IL1RAPL1: variants seen among roughly 807,000 people sequenced by gnomAD.
IL1RAPL1 encodes interleukin 1 receptor accessory protein like 1.
A neutral mutation model predicts 48.4 loss-of-function variants in IL1RAPL1; 3 were observed. The ratio of observed to expected loss-of-function variants is 0.06; its 90% CI spans 0.03 to 0.16. The LOEUF (loss-of-function observed/expected upper bound fraction) is 0.16, where lower values mean the gene tolerates loss of function less well. Among genes scored for constraint, IL1RAPL1 ranks in the 10% least tolerant of loss-of-function variants. IL1RAPL1 has a pLI of 1.00. For missense variants in IL1RAPL1, 349 were observed against 530.6 expected, an observed-to-expected ratio of 0.66 and a Z score of 3.36; for synonymous variants, 185 against 187.7, an observed-to-expected ratio of 0.99 and a Z score of 0.12.
intron 1 of IL1RAPL1, among the ~76,000 whole-genome samples, chrX:28,776,280 T>C (rs1936361858): frequency 8.9e-6 from 1 of 111,771 alleles, no homozygotes; most frequent in South Asian, 3.7e-4. Context: ...GAACAGTCAA[T>C]CTTAGAAGTC....
At chrX:28,796,691 T>A (rs917527706) in intron 2 of IL1RAPL1, among the ~76,000 whole-genome samples, 1 of 111,270 alleles carries the variant, frequency 9.0e-6, no homozygotes, top group Non-Finnish European at 1.9e-5. Context: ...TCCCAGCTGC[T>A]TTCACGGGCT....
At chrX:28,705,622 T>C (rs1935366458) in intron 1 of IL1RAPL1, among the ~76,000 whole-genome samples, 1 of 111,893 alleles carries the variant, frequency 8.9e-6, no homozygotes. Flanking sequence ...CTCAAGGATT[T>C]CATATTCCAG....
chrX:29,687,845 T>C (rs1337604768), intron 6 of IL1RAPL1, among the ~76,000 whole-genome samples: 2 of 112,070 alleles, frequency 1.8e-5, no homozygotes, highest in Non-Finnish European at 3.8e-5. Flanking sequence ...GTCATTATCA[T>C]GATCTCTCTA....
At chrX:28,634,804 A>C (rs2146895324) in intron 1 of IL1RAPL1, among the ~76,000 whole-genome samples, 1 of 110,171 alleles carries the variant, frequency 9.1e-6, no homozygotes, top group East Asian at 2.9e-4. Flanking sequence ...ACTTTCTGAA[A>C]TCACGTTCTT....
At chrX:29,177,367 C>A (rs765844531) in intron 2 of IL1RAPL1, among the ~76,000 whole-genome samples, 1 of 111,902 alleles carries the variant, frequency 8.9e-6, no homozygotes, top group East Asian at 2.8e-4. Flanking sequence ...TGTAGTTACA[C>A]TGAACTTCTC....
intron 6 of IL1RAPL1, among the ~76,000 whole-genome samples, chrX:29,694,819 G>T (rs371769025): frequency 2.7e-5 from 3 of 111,572 alleles, no homozygotes; most frequent in Non-Finnish European, 5.6e-5. Flanking sequence ...AGATTTTGAC[G>T]TAATAATTTT....
chrX:29,452,525 C>T (rs1191304230), intron 5 of IL1RAPL1, among the ~76,000 whole-genome samples: 1 of 111,693 alleles, frequency 9.0e-6, no homozygotes, highest in Non-Finnish European at 1.9e-5. Context: ...TTATACCTAG[C>T]AATACAGAAA....
intron 2 of IL1RAPL1, among the ~76,000 whole-genome samples, chrX:28,882,511 T>G (rs1161900984): frequency 9.0e-6 from 1 of 111,109 alleles, no homozygotes; most frequent in Admixed American, 9.6e-5. Context: ...GGTGTGGTGG[T>G]GCACACCTGT....
chrX:29,621,728 T>G (rs1002141795), intron 5 of IL1RAPL1, among the ~76,000 whole-genome samples: 2 of 112,060 alleles, frequency 1.8e-5, no homozygotes, highest in African/African-American at 6.5e-5. Flanking sequence ...TTAGCATAAT[T>G]GGAATATCTG....
At chrX:28,616,624 G>T (rs763815693) in intron 1 of IL1RAPL1, among the ~76,000 whole-genome samples, 2 of 110,666 alleles carry the variant, frequency 1.8e-5, no homozygotes, top group East Asian at 2.9e-4. Flanking sequence ...AGTAGAGACG[G>T]GGTTTCACCA....
At chrX:28,604,239 C>T (rs1440939865) in intron 1 of IL1RAPL1, among the ~76,000 whole-genome samples, 2 of 111,158 alleles carry the variant, frequency 1.8e-5, no homozygotes, top group Non-Finnish European at 3.8e-5. Flanking sequence ...TATCAATATA[C>T]CTTCTCCCAA....
At chrX:29,297,458 T>G (rs189959861) in intron 3 of IL1RAPL1, among the ~76,000 whole-genome samples, 80 of 112,573 alleles carry the variant, frequency 7.1e-4, no homozygotes, top group African/African-American at 2.4e-3. Flanking sequence ...TAATGTTATT[T>G]AATTTTAAAT....
intron 5 of IL1RAPL1, among the ~76,000 whole-genome samples, chrX:29,431,961 T>A (rs1934427487): frequency 8.9e-6 from 1 of 111,821 alleles, no homozygotes; most frequent in South Asian, 3.7e-4. Flanking sequence ...TTAGAAACTT[T>A]TACAACTCAG....
At chrX:28,997,009 G>A (rs996425082) in intron 2 of IL1RAPL1, among the ~76,000 whole-genome samples, 2 of 111,220 alleles carry the variant, frequency 1.8e-5, no homozygotes, top group African/African-American at 6.5e-5. Context: ...CCACCCCATG[G>A]TTTCAGTTTA....
chrX:29,255,025 C>A (rs910427238), intron 2 of IL1RAPL1, among the ~76,000 whole-genome samples: 2 of 109,688 alleles, frequency 1.8e-5, no homozygotes, highest in African/African-American at 6.6e-5. Context: ...GAAATCGTGT[C>A]ATTAGATTTA....
At chrX:29,624,554 C>T (rs1924559136) in intron 5 of IL1RAPL1, among the ~76,000 whole-genome samples, 2 of 111,620 alleles carry the variant, frequency 1.8e-5, no homozygotes, top group Admixed American at 9.5e-5. Flanking sequence ...TTTTTATTGG[C>T]TTGGCATGGT....
intron 5 of IL1RAPL1, among the ~76,000 whole-genome samples, chrX:29,632,159 T>G (rs376118511): frequency 2.7e-5 from 3 of 109,914 alleles, no homozygotes; most frequent in East Asian, 5.7e-4. Context: ...TAACTTTTTT[T>G]TTTTTTTGAG....
chrX:29,441,855 T>G (rs1013220673), intron 5 of IL1RAPL1, among the ~76,000 whole-genome samples: 1 of 112,157 alleles, frequency 8.9e-6, no homozygotes, highest in African/African-American at 3.2e-5. Context: ...CATCTTTATT[T>G]TGAAATAATT....
intron 2 of IL1RAPL1, among the ~76,000 whole-genome samples, chrX:28,795,040 A>G (rs935170816): frequency 9.0e-6 from 1 of 111,227 alleles, no homozygotes; most frequent in Non-Finnish European, 1.9e-5. Flanking sequence ...CCATGTGTTT[A>G]TTCTCAGTTT....
Sources: allele counts gnomAD v4.1 joint callset (sites outside exome capture counted in the v4.1 genomes callset), GRCh38; gene constraint gnomAD v4.1.1; transcripts MANE v1.5; gene names NCBI Gene and HGNC (gene_info 2026-07-23, HGNC 2026-07-21).